Variants in TP53INP1 observed in about 807,000 individuals in gnomAD.
The protein encoded by TP53INP1 is tumor protein p53-inducible nuclear protein 1.
TP53INP1 carries 12 observed loss-of-function variants against 21.0 expected under a neutral mutation model. That is an observed-to-expected ratio of 0.57 (90% confidence interval 0.37 to 0.93). TP53INP1 has a LOEUF of 0.93. Ranked by LOEUF, TP53INP1 falls within the 40% of genes least tolerant of loss-of-function variation. The pLI is 0.01. For missense variants in TP53INP1, 274 were observed against 294.7 expected (o/e 0.93, Z 0.51); for synonymous variants, 91 against 94.8 (o/e 0.96, Z 0.23).
At chr8:94,939,217 T>A (rs1821282806) in intron 3 of TP53INP1, among the ~76,000 whole-genome samples, 1 of 152,212 alleles carries the variant, frequency 6.6e-6, no homozygotes, top group African/African-American at 2.4e-5. Context: ...TTTTAAGACA[T>A]GATATTCTAG....
chr8:94,940,364 C>T, intron 2 of TP53INP1, 144 bp from the exon 3 acceptor site: 1 of 923,396 alleles, frequency 1.1e-6, no homozygotes, highest in Non-Finnish European at 1.6e-6. Context: ...AGCTGATGCT[C>T]ACGTATCTTC....
chr8:94,930,320 T>C lies in TP53INP1; in HGVS notation c.*159A>G, dbSNP rs1312651897. 7.0e-6 allele frequency: 7 copies of C among 1,002,716 alleles called. No individual in the cohort carries two copies. Among genetic ancestry groups the C allele is most frequent in the South Asian group, 3.3e-5 (2 of 59,818 alleles). 62.1% of individuals were successfully genotyped at this position (1,002,716 alleles called of 1,614,324 possible). A position where few individuals can be genotyped will look rare whatever the true frequency, so the allele number is the denominator to read the frequency against. The stretch of plus-strand genomic sequence containing the variant: ...GCAAGGCATTATGTGATACACAGCA[T>C]ATAAATCTGATTTTCAAGATAGTGT... On this transcript the variant is annotated 3_prime_UTR_variant, in exon 4 of 4. Coordinates refer to ENST00000342697, the MANE Select transcript of TP53INP1 (RefSeq NM_033285.4).
Position 94,941,058 on chromosome 8 carries a change from C to T in TP53INP1, c.-117G>A, listed in dbSNP as rs1484240868. 1.4e-6 allele frequency: 1 copy of T among 693,414 alleles called. No homozygotes were observed. Among genetic ancestry groups the T allele is most frequent in the African/African-American group, 1.8e-5 (1 of 55,670 alleles). The allele number at this position is 693,414 out of a possible 1,614,324, so 43.0% of individuals were successfully genotyped here. Reference sequence around the variant, plus strand: ...GATTAAAGTGCACAGGGTGCTTATTCAACTTAGGTGAAAAGCAAGAAGAGT... The same window carrying T: ...GATTAAAGTGCACAGGGTGCTTATTTAACTTAGGTGAAAAGCAAGAAGAGT... On this transcript the variant is annotated 5_prime_UTR_variant, in exon 2 of 4. The change abolishes the stop of an existing upstream ORF in the 5' untranslated region. Coordinates refer to ENST00000342697, the MANE Select transcript of TP53INP1 (RefSeq NM_033285.4).
intron 3 of TP53INP1, among the ~76,000 whole-genome samples, chr8:94,936,443 G>T (rs1820986206): frequency 6.6e-6 from 1 of 152,216 alleles, no homozygotes; most frequent in South Asian, 2.1e-4. Flanking sequence ...CTGCTTGGTT[G>T]TGGATGGCAG....
intron 1 of TP53INP1, among the ~76,000 whole-genome samples, chr8:94,947,680 T>C (rs1204056680): frequency 1.3e-5 from 2 of 152,234 alleles, no homozygotes; most frequent in Non-Finnish European, 2.9e-5. Flanking sequence ...TCCACCCCTG[T>C]CTGCCCCTAA....
Position 94,933,930 on chromosome 8 carries a change from G to A in TP53INP1, c.474-3202C>T, listed in dbSNP as rs960290969. On this transcript the variant is annotated intron_variant, in intron 3 of 3. Transcript: ENST00000342697. ...TACTAAAAATGCAAAAATTAGCTGG[G>A]CGTAGTGGCGGTGGCACATGCCTGT... Among the ~76,000 whole-genome samples the A allele has an allele frequency of 7.3e-5, 11 of 150,922 alleles. 1 individual carries two copies. Among genetic ancestry groups the A allele is most frequent in the Middle Eastern group, 3.4e-3 (1 of 290 alleles).
chr8:94,942,504 C>T (rs1478944119), intron 1 of TP53INP1, among the ~76,000 whole-genome samples: 2 of 152,166 alleles, frequency 1.3e-5, no homozygotes, highest in Non-Finnish European at 2.9e-5. Context: ...TAGACAGTCT[C>T]CCTGATCCTA....
chr8:94,947,415 C>G (rs1186699438), intron 1 of TP53INP1, among the ~76,000 whole-genome samples: 1 of 152,118 alleles, frequency 6.6e-6, no homozygotes, highest in East Asian at 1.9e-4. Context: ...CAGAATTATC[C>G]TTCTTTTTAT....
Position 94,949,142 on chromosome 8 carries a change from C to CCCCT in TP53INP1, c.-151+11_-151+12insAGGG, listed in dbSNP as rs1554636028. On this transcript the variant is annotated intron_variant, in intron 1 of 3. Coordinates refer to ENST00000342697, the MANE Select transcript of TP53INP1 (RefSeq NM_033285.4). ...CTGGACGGACGCCCGCCCGCCCCCC[C>CCCCT]CCGGCACTTACGTGGGCCCGGGCCG... The CCCCT allele has an allele frequency of 2.3e-4, 35 of 149,524 alleles. No homozygotes were observed. Among genetic ancestry groups the CCCCT allele is most frequent in the African/African-American group, 8.3e-4 (34 of 41,126 alleles). 9.3% of individuals were successfully genotyped at this position (149,524 alleles called of 1,614,324 possible). A position where few individuals can be genotyped will look rare whatever the true frequency, so the allele number is the denominator to read the frequency against.
At chr8:94,931,931 C>A in intron 3 of TP53INP1, 1 of 752,516 alleles carries the variant, frequency 1.3e-6, no homozygotes, top group Non-Finnish European at 2.1e-6. Context: ...AATATCACAC[C>A]ATTGCACTCC....
In TP53INP1 at chr8:94,940,832, A is replaced by C. The variant is rs531048329; in HGVS notation, c.110T>G (p.Ile37Arg). ...CCAAGTAACCAAGTGTACCTTACCT[A>C]TGAAGTCAACAAGAATCCATTCATC... ...EDDEWILVDF[I>R]DTCTGFSAEE... Residue 37 changes from isoleucine to arginine, a missense_variant and splice_region_variant, in exon 2 of 4, where the codon ATA (isoleucine) becomes AGA (arginine). By Grantham distance (97) the Ile-to-Arg change is moderately conservative. Coordinates refer to ENST00000342697, the MANE Select transcript of TP53INP1 (RefSeq NM_033285.4). The C allele has an allele frequency of 1.7e-5, 28 of 1,610,472 alleles. No homozygotes were observed. The highest frequency in any genetic ancestry group is 2.1e-5 in the Non-Finnish European group (25 of 1,177,660).
At position 94,930,484 on chromosome 8, in the gene TP53INP1, A is replaced by T. The variant is rs1245316801; in HGVS notation, c.718T>A (p.Tyr240Asn). 6.2e-7 allele frequency: 1 copy of T among 1,614,192 alleles called. No homozygotes were observed. The highest frequency in any genetic ancestry group is 1.7e-5 in the Admixed American group (1 of 60,026). ...VHQPCPRQYN[Y>N] ...ACCAACAAAACTTGAAACTATTAGT[A>T]ATTGTACTGACGCGGGCAGGGCTGA... The change falls in exon 4 of 4, where the codon TAC becomes AAC. Residue 240 changes from tyrosine to asparagine, a missense_variant. Physicochemically the swap from Tyr to Asn is moderately radical, Grantham distance 143. Coordinates refer to ENST00000342697, the MANE Select transcript of TP53INP1 (RefSeq NM_033285.4).
At position 94,949,180 on chromosome 8, in the gene TP53INP1, C is replaced by T; in HGVS notation, c.-177G>A. On this transcript the variant is annotated 5_prime_UTR_variant, in exon 1 of 4. Coordinates refer to ENST00000342697, the MANE Select transcript of TP53INP1 (RefSeq NM_033285.4). Reference sequence around the variant, plus strand: ...TGGGCCCGGGCCGTGCGGGGCTGCGCGGGGAAGGGAGCGGCCGCCGGCTCG... The same window carrying T: ...TGGGCCCGGGCCGTGCGGGGCTGCGTGGGGAAGGGAGCGGCCGCCGGCTCG... 6.6e-6 allele frequency: 1 copy of T among 150,558 alleles called. No individual in the cohort carries two copies. Among genetic ancestry groups the T allele is most frequent in the Non-Finnish European group, 1.5e-5 (1 of 67,558 alleles). The allele number at this position is 150,558 out of a possible 1,614,324, so 9.3% of individuals were successfully genotyped here.
intron 1 of TP53INP1, among the ~76,000 whole-genome samples, chr8:94,947,113 G>A (rs1251716290): frequency 6.6e-6 from 1 of 152,142 alleles, no homozygotes; most frequent in African/African-American, 2.4e-5. Flanking sequence ...AAAAGTGACA[G>A]AGTTGGTTGG....
chr8:94,940,311 C>T (rs955532686), intron 2 of TP53INP1, 91 bp from the exon 3 acceptor site: 2 of 1,425,438 alleles, frequency 1.4e-6, no homozygotes, highest in Admixed American at 4.6e-5. Context: ...TATAAAGTCA[C>T]CCATCAAATT....
chr8:94,939,894 C>A lies in TP53INP1; in HGVS notation c.439G>T (p.Gly147Trp). ...SCPGLSEATR[G>W]TDELHSPSSP... ...CTTGGGCTATGTAATTCATCAGTCC[C>A]ACGGGTGGCCTCACTGAGACCAGGG... The change falls in exon 3 of 4, where the codon GGG (glycine) becomes TGG (tryptophan). Residue 147 changes from glycine to tryptophan, a missense_variant. Physicochemically the swap from Gly to Trp is radical, Grantham distance 184 (BLOSUM62 -2). Coordinates refer to ENST00000342697, the MANE Select transcript of TP53INP1 (RefSeq NM_033285.4). 6.2e-7 allele frequency: 1 copy of A among 1,613,918 alleles called. No individual in the cohort carries two copies. The highest frequency in any genetic ancestry group is 8.5e-7 in the Non-Finnish European group (1 of 1,179,892).
At chr8:94,933,401 A>G (rs1820624859) in intron 3 of TP53INP1, among the ~76,000 whole-genome samples, 1 of 152,228 alleles carries the variant, frequency 6.6e-6, no homozygotes, top group Non-Finnish European at 1.5e-5. Context: ...AGGAAGAAGA[A>G]GGAAGAAAGA....
At chr8:94,946,449 C>T (rs900143800) in intron 1 of TP53INP1, among the ~76,000 whole-genome samples, 5 of 151,472 alleles carry the variant, frequency 3.3e-5, no homozygotes, top group African/African-American at 9.7e-5. Context: ...GTCTATAATC[C>T]CAGTGCTTTG....
At chr8:94,948,387 T>C (rs1822203297) in intron 1 of TP53INP1, among the ~76,000 whole-genome samples, 1 of 152,202 alleles carries the variant, frequency 6.6e-6, no homozygotes, top group Non-Finnish European at 1.5e-5. Flanking sequence ...GCATAGTATA[T>C]GGCACATACT....
Sources: allele counts gnomAD v4.1 joint callset (sites outside exome capture counted in the v4.1 genomes callset), GRCh38; gene constraint gnomAD v4.1.1; transcripts MANE v1.5; gene names NCBI Gene and HGNC (gene_info 2026-07-23, HGNC 2026-07-21).